DIP2C: variants seen among roughly 807,000 people sequenced by gnomAD.
The protein encoded by DIP2C is DIP2 acetate--CoA ligase C (putative).
Under a neutral mutation model 192.4 loss-of-function variants are expected in DIP2C, and 33 were observed. That is an observed-to-expected ratio of 0.17 (90% CI 0.13 to 0.23). The LOEUF (loss-of-function observed/expected upper bound fraction) is 0.23. Among genes scored for constraint, DIP2C ranks in the 10% least tolerant of loss-of-function variants. The pLI is 1.00. For missense variants in DIP2C, 1,537 were observed against 2,110.1 expected (o/e 0.73, Z 5.32); for synonymous variants, 979 against 864.1 (o/e 1.13, Z -2.33).
At chr10:486,245 A>G (rs1321608724) in intron 2 of DIP2C, among the ~76,000 whole-genome samples, 3 of 152,232 alleles carry the variant, frequency 2.0e-5, no homozygotes, top group East Asian at 1.9e-4. Flanking sequence ...TAGAGAAAAC[A>G]CCTATTAGGC....
chr10:437,611 C>G (rs1967372997), intron 4 of DIP2C: 1 of 152,262 alleles, frequency 6.6e-6, no homozygotes, highest in Admixed American at 6.5e-5. Context: ...ACAGCCATCT[C>G]ATTCGTTTTG....
chr10:447,821 G>A (rs371170494), intron 3 of DIP2C, among the ~76,000 whole-genome samples: 61 of 93,384 alleles, frequency 6.5e-4, no homozygotes, highest in South Asian at 3.1e-3. Context: ...GCTCACTCCC[G>A]TCGATACTCA....
In DIP2C at chr10:348,672, G is replaced by A. The variant is rs1349744412; in HGVS notation, c.3200C>T (p.Thr1067Met). The A allele has an allele frequency of 5.0e-6, 8 of 1,613,542 alleles. No homozygotes were observed. The highest frequency in any genetic ancestry group is 1.7e-5 in the Admixed American group (1 of 59,908). Reference protein sequence around the residue: ...VRPPHPQNIATTLPTVKMIVE... With the variant: ...VRPPHPQNIAMTLPTVKMIVE... ...AATCATCTTGACGGTAGGCAACGTCGTCGCGATGTTCTGTGGGTGCGGGGG... is the reference window on the plus strand; with the variant it reads ...AATCATCTTGACGGTAGGCAACGTCATCGCGATGTTCTGTGGGTGCGGGGG... The change falls in exon 26 of 37, where the codon ACG becomes ATG. Residue 1067 changes from threonine (T) to methionine (M), a missense_variant. Coordinates refer to ENST00000280886, the MANE Select transcript of DIP2C (RefSeq NM_014974.3).
At chr10:552,726 G>A (rs985479331) in intron 1 of DIP2C, among the ~76,000 whole-genome samples, 1 of 152,230 alleles carries the variant, frequency 6.6e-6, no homozygotes, top group African/African-American at 2.4e-5. Flanking sequence ...GGTGGCACCT[G>A]TAATTCCAGC....
chr10:469,472 A>G (rs893194471), intron 3 of DIP2C, among the ~76,000 whole-genome samples: 21 of 152,020 alleles, frequency 1.4e-4, no homozygotes, highest in African/African-American at 5.1e-4. Context: ...ATGCACCACC[A>G]TGCCTGGCTA....
chr10:354,526 C>T (rs952889667), intron 24 of DIP2C, among the ~76,000 whole-genome samples: 6 of 152,100 alleles, frequency 3.9e-5, no homozygotes, highest in Non-Finnish European at 8.8e-5. Flanking sequence ...TGAATCTTTG[C>T]GTATATGGGG....
At chr10:615,083 C>T (rs566614057) in intron 1 of DIP2C, among the ~76,000 whole-genome samples, 1 of 152,314 alleles carries the variant, frequency 6.6e-6, no homozygotes, top group African/African-American at 2.4e-5. Flanking sequence ...GTCCCAAGCC[C>T]TCATTAAGAA....
intron 5 of DIP2C, among the ~76,000 whole-genome samples, chr10:421,877 C>T (rs983611357): frequency 2.6e-5 from 4 of 152,262 alleles, no homozygotes; most frequent in East Asian, 1.9e-4. Flanking sequence ...AGAAAACGGC[C>T]GACGCTTTAA....
chr10:620,158 C>T (rs1251829667), intron 1 of DIP2C, among the ~76,000 whole-genome samples: 4 of 152,188 alleles, frequency 2.6e-5, no homozygotes, highest in Non-Finnish European at 4.4e-5. Flanking sequence ...AGAGCATTTC[C>T]CCTTGTATAG....
At chr10:619,897 C>A (rs1328372799) in intron 1 of DIP2C, among the ~76,000 whole-genome samples, 1 of 152,218 alleles carries the variant, frequency 6.6e-6, no homozygotes, top group Non-Finnish European at 1.5e-5. Flanking sequence ...GGACAAGCTA[C>A]ACCACTCACG....
At chr10:547,740 C>T (rs1009760554) in intron 1 of DIP2C, among the ~76,000 whole-genome samples, 1 of 152,078 alleles carries the variant, frequency 6.6e-6, no homozygotes, top group Admixed American at 6.5e-5. Context: ...CAGAAATCAT[C>T]CTCAAATCAT....
At chr10:378,596 C>T (rs916584010) in intron 17 of DIP2C, among the ~76,000 whole-genome samples, 2 of 136,542 alleles carry the variant, frequency 1.5e-5, no homozygotes, top group East Asian at 4.5e-4. Flanking sequence ...CAGACATAGA[C>T]ACACATGAAC....
At chr10:554,123 T>C (rs566769910) in intron 1 of DIP2C, among the ~76,000 whole-genome samples, 81 of 152,112 alleles carry the variant, frequency 5.3e-4, no homozygotes, top group Admixed American at 2.0e-3. Flanking sequence ...AGGCAGGAAA[T>C]ATACATCTTA....
chr10:363,553 G>A lies in DIP2C; in HGVS notation c.2478-242C>T, dbSNP rs952840368. 6.6e-5 allele frequency among the ~76,000 whole-genome samples: 10 copies of A among 152,214 alleles called. No homozygotes were observed. The highest frequency in any genetic ancestry group is 3.9e-4 in the East Asian group (2 of 5,192). The stretch of plus-strand genomic sequence containing the variant: ...CCCACGGAGGCCACACACAGCACCC[G>A]CGGGCTCTGGTGACCAGGTTGCGCC... On this transcript the variant is annotated intron_variant, in intron 20 of 36. Coordinates refer to ENST00000280886, the MANE Select transcript of DIP2C (RefSeq NM_014974.3). The surrounding 1 kb of genome is among the most constrained non-coding windows in gnomAD (Gnocchi z 5.4).
At chr10:421,813 T>C (rs1320920664) in intron 5 of DIP2C, among the ~76,000 whole-genome samples, 4 of 152,276 alleles carry the variant, frequency 2.6e-5, no homozygotes, top group South Asian at 4.1e-4. Flanking sequence ...GCAGCAGTTA[T>C]TGGGAAAAGT....
chr10:419,702 G>A (rs1207710333), intron 5 of DIP2C, among the ~76,000 whole-genome samples: 1 of 152,154 alleles, frequency 6.6e-6, no homozygotes, highest in African/African-American at 2.4e-5. Flanking sequence ...GATTATGTGA[G>A]TTAACACGTA....
At chr10:299,121 G>A (rs992857644) in intron 32 of DIP2C, among the ~76,000 whole-genome samples, 1 of 152,156 alleles carries the variant, frequency 6.6e-6, no homozygotes, top group African/African-American at 2.4e-5. Flanking sequence ...TTTATACTTT[G>A]CACTGCCCAC....
chr10:416,784 C>A (rs554216011), intron 6 of DIP2C, among the ~76,000 whole-genome samples: 2 of 152,166 alleles, frequency 1.3e-5, no homozygotes, highest in African/African-American at 4.8e-5. Flanking sequence ...CTCAGGCACA[C>A]GCTGCAGGCC....
chr10:535,957 T>A (rs540690480), intron 1 of DIP2C, among the ~76,000 whole-genome samples: 5 of 152,330 alleles, frequency 3.3e-5, no homozygotes, highest in African/African-American at 9.6e-5. Flanking sequence ...TAAGCTTCCA[T>A]CCTGAGGCAC....
Sources: gnomAD v4.1 joint callset for allele counts (sites outside exome capture counted in the v4.1 genomes callset) on GRCh38, gnomAD v4.1.1 for gene constraint, Gnocchi (gnomAD v3.1) non-coding constraint, MANE v1.5 for transcripts, NCBI Gene and HGNC (gene_info 2026-07-23, HGNC 2026-07-21) for gene names.